KMT2C: variants seen among roughly 807,000 people sequenced by gnomAD.
The protein encoded by KMT2C is histone-lysine N-methyltransferase 2C.
In KMT2C, 88 loss-of-function variants were observed where a neutral mutation model predicts 507.9. The observed-to-expected ratio is 0.17, with a 90% CI of 0.15 to 0.21. The LOEUF (loss-of-function observed/expected upper bound fraction) is 0.21. KMT2C is among the 10% of genes least tolerant of loss of function. The probability of loss-of-function intolerance (pLI) is 1.00; values close to 1 mark genes in which losing one functional copy is unlikely to be tolerated. For synonymous variants in KMT2C, 2,049 were observed against 2,080.8 expected, an observed-to-expected ratio of 0.98 and a Z score of 0.42; for missense variants, 4,954 against 5,957.8, an observed-to-expected ratio of 0.83 and a Z score of 5.55.
At chr7:152,257,540 A>G (rs906232335) in intron 9 of KMT2C, among the ~76,000 whole-genome samples, 9 of 152,198 alleles carry the variant, frequency 5.9e-5, no homozygotes, top group Non-Finnish European at 1.5e-5. Flanking sequence ...CTGAGAGCAA[A>G]CTGAAGCAGA....
intron 1 of KMT2C, among the ~76,000 whole-genome samples, chr7:152,384,555 C>CACTACCACT (rs201408165): frequency 2.5e-5 from 2 of 78,830 alleles, no homozygotes; most frequent in Non-Finnish European, 6.5e-5. Context: ...ATAACACCAC[C>CACTACCACT]ACCACCACCA....
At chr7:152,408,862 A>C (rs1330483190) in intron 1 of KMT2C, among the ~76,000 whole-genome samples, 1 of 152,016 alleles carries the variant, frequency 6.6e-6, no homozygotes, top group Non-Finnish European at 1.5e-5. Context: ...GAGGGTTAAT[A>C]TCAAATATCT....
chr7:152,229,199 G>A (rs2095031095), intron 18 of KMT2C, among the ~76,000 whole-genome samples: 1 of 152,086 alleles, frequency 6.6e-6, no homozygotes, highest in Non-Finnish European at 1.5e-5. Context: ...AGATTTCCTT[G>A]TGGAGTATAC....
intron 7 of KMT2C, among the ~76,000 whole-genome samples, chr7:152,269,752 T>C (rs2095925961): frequency 6.6e-6 from 1 of 152,114 alleles, no homozygotes; most frequent in African/African-American, 2.4e-5. Flanking sequence ...AGACATGAAA[T>C]GCCAACAGTG....
chr7:152,426,855 T>C (rs1467028274), intron 1 of KMT2C, among the ~76,000 whole-genome samples: 1 of 152,228 alleles, frequency 6.6e-6, no homozygotes, highest in Non-Finnish European at 1.5e-5. Context: ...CAACCTAGAC[T>C]TGAATCCAGA....
chr7:152,145,120 T>G (rs746744209), intron 54 of KMT2C, 33 bp downstream of exon 54: 11 of 1,602,516 alleles, frequency 6.9e-6, no homozygotes, highest in African/African-American at 1.3e-5. Flanking sequence ...CTAGAAACCC[T>G]GGGCTGTACT....
chr7:152,252,156 G>T (rs2095572644), intron 10 of KMT2C, 66 bp from the exon 11 acceptor site: 4 of 1,178,788 alleles, frequency 3.4e-6, no homozygotes, highest in Non-Finnish European at 3.5e-6. Context: ...TAAAGAGAAG[G>T]CATTGCTGAA....
intron 1 of KMT2C, among the ~76,000 whole-genome samples, chr7:152,399,738 A>T (rs538014650): frequency 5.8e-4 from 88 of 150,428 alleles, no homozygotes; most frequent in African/African-American, 1.7e-3. Flanking sequence ...AACAAAATTT[A>T]AAAAAAAAAT....
intron 1 of KMT2C, among the ~76,000 whole-genome samples, chr7:152,369,964 C>T (rs150748591): frequency 1.1e-4 from 17 of 152,172 alleles, no homozygotes; most frequent in Admixed American, 3.3e-4. Context: ...GTAATCCCAG[C>T]GGGCAGATCA....
chr7:152,169,007 A>G (rs1453613607), intron 41 of KMT2C, among the ~76,000 whole-genome samples, 179 bp downstream of exon 41: 1 of 152,246 alleles, frequency 6.6e-6, no homozygotes, highest in African/African-American at 2.4e-5. Flanking sequence ...CAGTGAAAAA[A>G]GCAATGAAAA....
chr7:152,387,805 ATGTC>A (rs1241726052), intron 1 of KMT2C, among the ~76,000 whole-genome samples: 28 of 152,218 alleles, frequency 1.8e-4, no homozygotes, highest in Admixed American at 1.4e-3. Context: ...ATATATGCCT[ATGTC>A]TGTATTTTTT....
In KMT2C at chr7:152,354,244, A is replaced by G. The variant is rs560116543; in HGVS notation, c.250+4343T>C. 3.3e-5 allele frequency among the ~76,000 whole-genome samples: 5 copies of G among 152,324 alleles called. No individual in the cohort carries two copies. The East Asian group carries it at 5.8e-4, about 18-fold the overall frequency. The stretch of plus-strand genomic sequence containing the variant: ...AGAAGACAGTCCATTCGTGGGGCTT[A>G]CTACTCTCCAGTAAGGAAAAAAAAA... On this transcript the variant is annotated intron_variant, in intron 2 of 58. Coordinates refer to ENST00000262189, the MANE Select transcript of KMT2C (RefSeq NM_170606.3).
chr7:152,274,150 G>A (rs1369759875), intron 6 of KMT2C, among the ~76,000 whole-genome samples: 21 of 145,358 alleles, frequency 1.4e-4, no homozygotes, highest in African/African-American at 5.0e-4. Context: ...AAAACCTAAA[G>A]ATTTTTTTTT....
chr7:152,316,220 T>A (rs567823389), intron 3 of KMT2C, among the ~76,000 whole-genome samples: 3 of 152,266 alleles, frequency 2.0e-5, no homozygotes, highest in South Asian at 4.1e-4. Flanking sequence ...CCATTTTATA[T>A]GATACTATAA....
At chr7:152,397,429 C>A (rs10229875) in intron 1 of KMT2C, among the ~76,000 whole-genome samples, 2,086 of 152,204 alleles carry the variant, frequency 0.014, 49 homozygotes, top group African/African-American at 0.048. Flanking sequence ...TGGTTTATAA[C>A]CTTCTAAGGG....
chr7:152,419,106 T>A (rs1447096700), intron 1 of KMT2C, among the ~76,000 whole-genome samples: 2 of 151,752 alleles, frequency 1.3e-5, no homozygotes, highest in Non-Finnish European at 2.9e-5. Context: ...AATCCCAGCA[T>A]TTTGGGAGGC....
intron 1 of KMT2C, among the ~76,000 whole-genome samples, chr7:152,416,182 G>C (rs2097733790): frequency 1.3e-5 from 2 of 152,328 alleles, no homozygotes; most frequent in African/African-American, 4.8e-5. Flanking sequence ...TTGAGGTCAG[G>C]AGTTCAAGAC....
intron 6 of KMT2C, among the ~76,000 whole-genome samples, chr7:152,302,453 A>ACCTCAG (rs2096578075): frequency 6.6e-6 from 1 of 151,976 alleles, no homozygotes; most frequent in South Asian, 2.1e-4. Context: ...CAAACTCCTG[A>ACCTCAG]CCTCAGCCTC....
intron 3 of KMT2C, among the ~76,000 whole-genome samples, chr7:152,320,711 CATT>C (rs1166468760): frequency 1.3e-5 from 2 of 151,864 alleles, no homozygotes; most frequent in African/African-American, 2.4e-5. Context: ...CTTTATTGTT[CATT>C]ATTTATTAAT....
Sources: allele counts gnomAD v4.1 joint callset (sites outside exome capture counted in the v4.1 genomes callset), GRCh38; gene constraint gnomAD v4.1.1; transcripts MANE v1.5; gene names NCBI Gene and HGNC (gene_info 2026-07-23, HGNC 2026-07-21).